The following SREBF2 variants were observed in gnomAD, a reference collection of about 807,000 sequenced individuals.
SREBF2 encodes the protein sterol regulatory element binding transcription factor 2, also known as sterol regulatory element-binding protein 2.
SREBF2 carries 55 observed loss-of-function variants against 113.1 expected under a neutral mutation model. The ratio of observed to expected loss-of-function variants is 0.49; its 90% CI spans 0.39 to 0.61. SREBF2 has a LOEUF of 0.61. Ranked by LOEUF, SREBF2 falls within the 20% of genes least tolerant of loss-of-function variation. The pLI, the probability that SREBF2 is intolerant of heterozygous loss-of-function variation, is 0.00. For synonymous variants in SREBF2, 593 were observed against 605.7 expected (o/e 0.98, Z 0.31); for missense variants, 1,349 against 1,487.4 (o/e 0.91, Z 1.53).
At chr22:41,846,240 G>A (rs1207402224) in intron 1 of SREBF2, among the ~76,000 whole-genome samples, 1 of 152,216 alleles carries the variant, frequency 6.6e-6, no homozygotes, top group African/African-American at 2.4e-5. Context: ...TGTTAGAAGG[G>A]TGGTTCTTGG....
intron 13 of SREBF2, among the ~76,000 whole-genome samples, chr22:41,896,542 G>A (rs973056225): frequency 1.3e-5 from 2 of 152,076 alleles, no homozygotes; most frequent in Non-Finnish European, 2.9e-5. Flanking sequence ...GTATTTCTTG[G>A]TAGAGGCAGA....
At chr22:41,864,223 C>CATATATATATAT (rs756489276) in intron 1 of SREBF2, among the ~76,000 whole-genome samples, 26 of 46,322 alleles carry the variant, frequency 5.6e-4, no homozygotes, top group Non-Finnish European at 7.3e-4. Context: ...CTTCTGCAAG[C>CATATATATATAT]ATATATATAT....
intron 4 of SREBF2, 22 bp from the exon 5 acceptor site, chr22:41,873,776 T>A: frequency 1.9e-6 from 3 of 1,581,558 alleles, no homozygotes; most frequent in Non-Finnish European, 2.6e-6. Flanking sequence ...ATCATTCTGC[T>A]GTGTACCTGT....
At chr22:41,885,407 A>G (rs1342194559) in intron 11 of SREBF2, among the ~76,000 whole-genome samples, 1 of 152,232 alleles carries the variant, frequency 6.6e-6, no homozygotes, top group East Asian at 1.9e-4. Flanking sequence ...CTCAGAAGGT[A>G]TTTATTGGGC....
At chr22:41,854,130 TTTGTTG>T (rs138917325) in intron 1 of SREBF2, among the ~76,000 whole-genome samples, 1 of 151,858 alleles carries the variant, frequency 6.6e-6, no homozygotes, top group Non-Finnish European at 1.5e-5. Flanking sequence ...TGCCAGTTTT[TTTGTTG>T]TTGTTGTTTT....
rs2077499289 is a variant in SREBF2 at position 41,905,450 on chromosome 22, T to A, written c.3216T>A (p.Asp1072Glu). Residue 1072 changes from aspartate to glutamate, a missense_variant, in exon 19 of 19, where the codon GAT (aspartate) becomes GAA (glutamate). Coordinates refer to ENST00000361204, the MANE Select transcript of SREBF2 (RefSeq NM_004599.4). ...ATCTCCTTCCCACAGGAGAGGTGGA[T>A]GCCTGGCCCGGCCAGCGAGAGCGGG... ...TTQSTKHGEV[D>E]AWPGQRERAT... 1 of 1,574,156 alleles carries A rather than the reference T, an allele frequency of 6.4e-7. No individual in the cohort carries two copies. Among genetic ancestry groups the A allele is most frequent in the Non-Finnish European group, 8.6e-7 (1 of 1,161,286 alleles).
intron 1 of SREBF2, among the ~76,000 whole-genome samples, chr22:41,851,163 G>T (rs1003286032): frequency 1.3e-5 from 2 of 152,092 alleles, no homozygotes; most frequent in Non-Finnish European, 2.9e-5. Context: ...TTTAATTTCA[G>T]TAATATTACC....
intron 1 of SREBF2, among the ~76,000 whole-genome samples, chr22:41,860,768 C>T (rs2077019590): frequency 6.6e-6 from 1 of 152,086 alleles, no homozygotes; most frequent in Non-Finnish European, 1.5e-5. Context: ...TGCTTGTAGT[C>T]CCAGCTACTC....
At position 41,875,378 on chromosome 22, in the gene SREBF2, C is replaced by A; in HGVS notation, c.1131C>A (p.Ile377=). Residue 377 remains isoleucine (I), a synonymous_variant, in exon 6 of 19, where the codon ATC becomes ATA. Coordinates refer to ENST00000361204, the MANE Select transcript of SREBF2 (RefSeq NM_004599.4). ...SGVLRKAIDY[I]KYLQQVNHKL... ...TTCTGAGGAAGGCCATTGATTACAT[C>A]AAATACTTGCAGCAGGTCAATCATA... 1.2e-6 allele frequency: 2 copies of A among 1,614,134 alleles called. No individual in the cohort carries two copies. The highest frequency in any genetic ancestry group is 1.7e-6 in the Non-Finnish European group (2 of 1,179,980).
At chr22:41,881,535 G>A (rs917037743) in intron 10 of SREBF2, among the ~76,000 whole-genome samples, 1 of 152,228 alleles carries the variant, frequency 6.6e-6, no homozygotes, top group Non-Finnish European at 1.5e-5. Context: ...GATGCATAGA[G>A]GTCACCAGCT....
At position 41,870,904 on chromosome 22, in the gene SREBF2, C is replaced by T; in HGVS notation, c.736C>T (p.Gln246Ter). 6.2e-7 allele frequency: 1 copy of T among 1,614,182 alleles called. No individual in the cohort carries two copies. ...VQQVPVLVQP[Q>*]IIKTDSLVLT... ...CTTCATCCAGGTCCTGGTCCAGCCT[C>T]AGATCATCAAGACAGATTCCCTTGT... Residue 246 changes from glutamine (Q) to a stop codon, truncating the protein, a stop_gained, in exon 4 of 19, where the codon CAG becomes TAG. Coordinates refer to ENST00000361204, the MANE Select transcript of SREBF2 (RefSeq NM_004599.4). LOFTEE classifies it high-confidence loss of function.
intron 17 of SREBF2, 83 bp downstream of exon 17, chr22:41,903,238 T>G (rs1163805452): frequency 1.9e-5 from 28 of 1,506,834 alleles, no homozygotes; most frequent in Non-Finnish European, 2.4e-5. Flanking sequence ...CACCAGCATG[T>G]GGTTGTGGAG....
At chr22:41,889,568 C>G (rs2077336085) in intron 11 of SREBF2, among the ~76,000 whole-genome samples, 1 of 151,914 alleles carries the variant, frequency 6.6e-6, no homozygotes, top group Admixed American at 6.6e-5. Flanking sequence ...ACCTGTGGTC[C>G]CAGCTCCTCA....
At chr22:41,891,734 C>T (rs1269257277) in intron 11 of SREBF2, among the ~76,000 whole-genome samples, 6 of 152,176 alleles carry the variant, frequency 3.9e-5, no homozygotes, top group South Asian at 2.1e-4. Flanking sequence ...GGCCTGGCAG[C>T]CCCGCCCCTG....
chr22:41,834,986 C>A (rs377718053), intron 1 of SREBF2, among the ~76,000 whole-genome samples: 23 of 151,920 alleles, frequency 1.5e-4, no homozygotes, highest in African/African-American at 5.6e-4. Flanking sequence ...AAAGTGAGGC[C>A]CAGGGTGGTT....
intron 10 of SREBF2, among the ~76,000 whole-genome samples, chr22:41,882,171 TGAGAG>T (rs2077252349): frequency 6.6e-6 from 1 of 151,890 alleles, no homozygotes; most frequent in Non-Finnish European, 1.5e-5. Flanking sequence ...AAAGGACAGA[TGAGAG>T]GAAATTAGAA....
rs144014602 is a variant in SREBF2 at position 41,887,718 on chromosome 22, T to C, written c.2208+2707T>C. ...CTTTCAGGAAACGTGACTGCATTTT[T>C]AGGAATGGCATCGCTGGGTCAGAGG... On this transcript the variant is annotated intron_variant, in intron 11 of 18. Transcript: ENST00000361204. 1.0e-3 allele frequency among the ~76,000 whole-genome samples: 152 copies of C among 152,352 alleles called. 1 individual carries two copies. Among genetic ancestry groups the C allele is most frequent in the African/African-American group, 3.5e-3 (145 of 41,584 alleles).
At position 41,898,735 on chromosome 22, in the gene SREBF2, C is replaced by T. The variant is rs765731064; in HGVS notation, c.2692C>T (p.His898Tyr). The change falls in exon 15 of 19, where the codon CAT (histidine) becomes TAT (tyrosine). Residue 898 changes from histidine to tyrosine, a missense_variant. His to Tyr is a moderately conservative substitution (Grantham distance 83). Transcript: ENST00000361204. ...GGGAGACGATGCAGCTGTGCGCTCT[C>T]ATTTTACCAAAGTGGAACGCATCCC... is the stretch of plus-strand genomic sequence containing the variant. ...LQGDDAAVRS[H>Y]FTKVERIPKA... 34 of 1,614,002 alleles carry T rather than the reference C, an allele frequency of 2.1e-5. No homozygotes were observed. The highest frequency in any genetic ancestry group is 1.0e-4 in the Admixed American group (6 of 59,988).
rs1205547015 is a variant in SREBF2, at chr22:41,833,109, C to G, written c.-162C>G. The G allele has an allele frequency of 3.9e-6, 2 of 517,508 alleles. No individual in the cohort carries two copies. The highest frequency in any genetic ancestry group is 7.1e-5 in the East Asian group (2 of 28,314). The allele number at this position is 517,508 out of a possible 1,614,324, so 32.1% of individuals were successfully genotyped here. A position where few individuals can be genotyped will look rare whatever the true frequency, so the allele number is the denominator to read the frequency against. On this transcript the variant is annotated 5_prime_UTR_variant, in exon 1 of 19. Coordinates refer to ENST00000361204, the MANE Select transcript of SREBF2 (RefSeq NM_004599.4). The surrounding 1 kb of genome is among the most constrained non-coding windows in gnomAD (Gnocchi z 4.1). Reference sequence around the variant, plus strand: ...GCGGGGGAATCCCGCCCCGCCCTTTCTGTGCGGCGCCCGGGCGCAACGCAA... The same window carrying G: ...GCGGGGGAATCCCGCCCCGCCCTTTGTGTGCGGCGCCCGGGCGCAACGCAA...
Sources: allele counts gnomAD v4.1 joint callset (sites outside exome capture counted in the v4.1 genomes callset), GRCh38; gene constraint gnomAD v4.1.1; non-coding constraint Gnocchi (gnomAD v3.1); transcripts MANE v1.5; gene names NCBI Gene and HGNC (gene_info 2026-07-23, HGNC 2026-07-21).